Variants in CDK14 observed in about 807,000 individuals in gnomAD.
The protein encoded by CDK14 is cyclin-dependent kinase 14.
A neutral mutation model predicts 60.7 loss-of-function variants in CDK14; 34 were observed. That is an observed-to-expected ratio of 0.56 (90% confidence interval 0.43 to 0.75). The LOEUF (loss-of-function observed/expected upper bound fraction) is 0.75. CDK14 is among the 30% of genes least tolerant of loss of function. The probability of loss-of-function intolerance (pLI) is 0.00; values close to 1 mark genes in which losing one functional copy is unlikely to be tolerated. For synonymous variants in CDK14, 197 were observed against 203.7 expected, an observed-to-expected ratio of 0.97 and a Z score of 0.28; for missense variants, 482 against 564.1, an observed-to-expected ratio of 0.85 and a Z score of 1.47.
At chr7:90,847,172 C>T (rs754479914) in intron 5 of CDK14, among the ~76,000 whole-genome samples, 2 of 152,100 alleles carry the variant, frequency 1.3e-5, no homozygotes, top group Non-Finnish European at 1.5e-5. Context: ...AGCTAACCTA[C>T]GCATAGTATG....
intron 2 of CDK14, among the ~76,000 whole-genome samples, chr7:90,610,468 C>T (rs1384849281): frequency 6.6e-6 from 1 of 152,212 alleles, no homozygotes; most frequent in Non-Finnish European, 1.5e-5. Context: ...CCCTCCTCCA[C>T]CCTTTCTTCT....
intron 5 of CDK14, among the ~76,000 whole-genome samples, chr7:90,831,439 C>G (rs1257784232): frequency 2.0e-5 from 3 of 152,172 alleles, no homozygotes; most frequent in Non-Finnish European, 4.4e-5. Context: ...CCACCAGGAC[C>G]CTCCCCTTGA....
chr7:91,176,338 A>G (rs573040137), intron 14 of CDK14, among the ~76,000 whole-genome samples: 1,677 of 152,344 alleles, frequency 0.011, 34 homozygotes, highest in African/African-American at 0.039. Context: ...ATAGCACTAA[A>G]TGCCCACAAG....
chr7:91,035,661 T>A (rs957899417), intron 10 of CDK14, among the ~76,000 whole-genome samples: 4 of 147,776 alleles, frequency 2.7e-5, no homozygotes, highest in African/African-American at 1.0e-4. Context: ...GGCACAGCAA[T>A]CCAGATGTGT....
intron 2 of CDK14, chr7:90,710,573 G>A (rs1218352408): frequency 3.1e-6 from 3 of 983,588 alleles, no homozygotes; most frequent in Non-Finnish European, 3.6e-6. Context: ...TCAGTGTGCT[G>A]GTATTTTGCA....
intron 12 of CDK14, among the ~76,000 whole-genome samples, chr7:91,108,169 A>T (rs143612724): frequency 2.0e-5 from 3 of 152,190 alleles, no homozygotes; most frequent in South Asian, 4.1e-4. Flanking sequence ...TTAGCCAGGC[A>T]TGGTGGCGCA....
intron 4 of CDK14, among the ~76,000 whole-genome samples, chr7:90,778,946 C>T (rs1234555633): frequency 6.9e-6 from 1 of 145,396 alleles, no homozygotes; most frequent in Non-Finnish European, 1.5e-5. Flanking sequence ...TTTCTCTCTT[C>T]TTTTCTCTTT....
At chr7:91,072,714 C>T (rs941337814) in intron 11 of CDK14, among the ~76,000 whole-genome samples, 5 of 152,080 alleles carry the variant, frequency 3.3e-5, no homozygotes, top group Admixed American at 1.3e-4. Context: ...TAGTAATAAA[C>T]TCTGCTGTGC....
chr7:90,981,514 T>A (rs2115620861), intron 9 of CDK14, among the ~76,000 whole-genome samples: 1 of 152,354 alleles, frequency 6.6e-6, no homozygotes, highest in African/African-American at 2.4e-5. Context: ...AGGGAAGCAA[T>A]TTCTGCAAAT....
At chr7:90,817,107 G>A (rs1407721181) in intron 5 of CDK14, among the ~76,000 whole-genome samples, 2 of 152,136 alleles carry the variant, frequency 1.3e-5, no homozygotes, top group African/African-American at 2.4e-5. Flanking sequence ...TGACATTTTG[G>A]AATGTGGTGG....
chr7:90,826,690 G>C (rs1022758028), intron 5 of CDK14, among the ~76,000 whole-genome samples: 30 of 152,134 alleles, frequency 2.0e-4, no homozygotes, highest in Middle Eastern at 3.4e-3. Flanking sequence ...TGCATAGTCA[G>C]TTATGTGTGT....
At chr7:90,938,547 C>T (rs1241859300) in intron 8 of CDK14, among the ~76,000 whole-genome samples, 1 of 152,130 alleles carries the variant, frequency 6.6e-6, no homozygotes, top group Non-Finnish European at 1.5e-5. Context: ...CAAATGACCT[C>T]ATCATAGGAG....
At chr7:91,183,644 G>T (rs1802074808) in intron 14 of CDK14, among the ~76,000 whole-genome samples, 1 of 152,130 alleles carries the variant, frequency 6.6e-6, no homozygotes, top group Non-Finnish European at 1.5e-5. Flanking sequence ...ACATTGAATG[G>T]TGACACATAA....
chr7:90,658,946 G>T (rs955543559), intron 2 of CDK14, among the ~76,000 whole-genome samples: 1 of 152,164 alleles, frequency 6.6e-6, no homozygotes, highest in African/African-American at 2.4e-5. Flanking sequence ...TAGTGAATTA[G>T]AGTTACAATG....
chr7:90,962,001 A>G (rs1011677650), intron 9 of CDK14, among the ~76,000 whole-genome samples: 1 of 152,258 alleles, frequency 6.6e-6, no homozygotes, highest in Non-Finnish European at 1.5e-5. Flanking sequence ...TTTAATTCAC[A>G]CTAAGGACTA....
rs79576203 is a variant in CDK14 at position 90,701,953 on chromosome 7, A to G, written c.124-24614A>G. ...GAGACACTGCCACTGGCTGCCTCTA[A>G]GCGAATGCTTTCTCTGCTTTGCTAC... On this transcript the variant is annotated intron_variant, in intron 2 of 14. Transcript: ENST00000380050. 1.2e-3 allele frequency among the ~76,000 whole-genome samples: 189 copies of G among 152,230 alleles called. 2 individuals are homozygous for G. In the East Asian group the frequency reaches 0.024, roughly 19 times the overall value.
chr7:90,949,334 G>A (rs1318432291), intron 8 of CDK14, among the ~76,000 whole-genome samples: 1 of 151,888 alleles, frequency 6.6e-6, no homozygotes, highest in African/African-American at 2.4e-5. Context: ...CTGAGTAGCT[G>A]GGTTTACAGG....
In CDK14 at chr7:90,747,503, A is replaced by AT. The variant is rs528399253; in HGVS notation, c.370-169dup. 4.2e-4 allele frequency among the ~76,000 whole-genome samples: 64 copies of AT among 151,506 alleles called. No homozygotes were observed. The South Asian group carries it at 0.01, about 24-fold the overall frequency. ...TTCGTTCTACATTGTGTTTATTTGC[A>AT]TTTTTTTTTAGTTTTGTATCCTGTT... On this transcript the variant is annotated intron_variant, in intron 3 of 14. Coordinates refer to ENST00000380050, the MANE Select transcript of CDK14 (RefSeq NM_001287135.2).
chr7:90,604,368 T>C, intron 2 of CDK14, 119 bp downstream of exon 2: 1 of 524,270 alleles, frequency 1.9e-6, no homozygotes, highest in Non-Finnish European at 3.4e-6. Context: ...AGATAACATC[T>C]GTTTATTTCA....
Sources: allele counts gnomAD v4.1 joint callset (sites outside exome capture counted in the v4.1 genomes callset), GRCh38; gene constraint gnomAD v4.1.1; transcripts MANE v1.5; gene names NCBI Gene and HGNC (gene_info 2026-07-23, HGNC 2026-07-21).